Variants in RPAIN observed in about 807,000 individuals in gnomAD.
RPAIN encodes RPA interacting protein.
In RPAIN, 29 loss-of-function variants were observed where a neutral mutation model predicts 30.5. The observed-to-expected ratio is 0.95, with a 90% confidence interval of 0.71 to 1.30. RPAIN has a LOEUF of 1.30. Ranked by LOEUF, RPAIN falls within the 50% of genes most tolerant of loss-of-function variation. The pLI is 0.00. For missense variants in RPAIN, 247 were observed against 264.7 expected, an observed-to-expected ratio of 0.93 and a Z score of 0.46; for synonymous variants, 101 against 93.5, an observed-to-expected ratio of 1.08 and a Z score of -0.46.
chr17:5,421,798 CT>C (rs997095919), intron 2 of RPAIN: 280 of 157,080 alleles, frequency 1.8e-3, no homozygotes, highest in South Asian at 5.7e-3. Context: ...CTCTCTCGCT[CT>C]TTTTTTTTTT....
At chr17:5,426,557 G>T in intron 5 of RPAIN, 2 of 439,980 alleles carry the variant, frequency 4.5e-6, no homozygotes, top group South Asian at 3.6e-5. Context: ...CTCAGCTTGG[G>T]ATTGGTAACG....
At chr17:5,431,652 C>T (rs1049295670) in intron 6 of RPAIN, 21 of 456,372 alleles carry the variant, frequency 4.6e-5, no homozygotes, top group South Asian at 1.1e-4. Context: ...GAGGTCAGGA[C>T]GTAGGGACGC....
chr17:5,422,149 C>T (rs1010160813), intron 2 of RPAIN, among the ~76,000 whole-genome samples: 2 of 152,236 alleles, frequency 1.3e-5, no homozygotes, highest in Admixed American at 6.5e-5. Flanking sequence ...AGGAAGAACA[C>T]TGGATTCGAA....
intron 3 of RPAIN, chr17:5,425,205 T>G (rs1414765218): frequency 4.9e-6 from 2 of 410,310 alleles, no homozygotes; most frequent in Admixed American, 5.9e-5. Context: ...TTTTCATCTT[T>G]GTGCCCCTGT....
chr17:5,432,714 C>G lies in RPAIN; in HGVS notation c.*143C>G. On this transcript the variant is annotated 3_prime_UTR_variant, in exon 7 of 7. Transcript: ENST00000381209. ...ACTGAAGAAAAAAAAACTTTTCCGACATCTGTTCTTGGTCTTTTGTGACGC... is the reference window on the plus strand; with the variant it reads ...ACTGAAGAAAAAAAAACTTTTCCGAGATCTGTTCTTGGTCTTTTGTGACGC... 1 of 897,122 alleles carries G rather than the reference C, an allele frequency of 1.1e-6. No individual in the cohort carries two copies. The highest frequency in any genetic ancestry group is 2.7e-5 in the Admixed American group (1 of 37,378). The allele number at this position is 897,122 out of a possible 1,614,324, so 55.6% of individuals were successfully genotyped here.
intron 3 of RPAIN, chr17:5,425,276 A>G (rs1179719307): frequency 4.4e-6 from 2 of 455,812 alleles, no homozygotes; most frequent in South Asian, 3.1e-5. Flanking sequence ...CAGATTCTGA[A>G]CAACACAGAT....
At chr17:5,421,705 AAAAG>A (rs1186496878) in intron 2 of RPAIN, 5 of 331,126 alleles carry the variant, frequency 1.5e-5, no homozygotes, top group Non-Finnish European at 2.2e-5. Flanking sequence ...TATGAAACTA[AAAAG>A]AAAGAAATTT....
At chr17:5,427,874 G>T (rs1014495636) in intron 5 of RPAIN, 197 bp from the exon 6 acceptor site, 8 of 619,242 alleles carry the variant, frequency 1.3e-5, no homozygotes, top group African/African-American at 3.7e-5. Context: ...AGAGGGCGTT[G>T]GTTAATCTGG....
In RPAIN at chr17:5,428,122, A is replaced by G; in HGVS notation, c.541A>G (p.Asn181Asp). 20 of 1,614,142 alleles carry G rather than the reference A, an allele frequency of 1.2e-5. No homozygotes were observed. Among genetic ancestry groups the G allele is most frequent in the Non-Finnish European group, 1.7e-5 (20 of 1,180,012 alleles). The change falls in exon 6 of 7, where the codon AAT (asparagine) becomes GAT (aspartate). Residue 181 changes from asparagine to aspartate, a missense_variant. Asn to Asp is a conservative substitution (Grantham distance 23). Transcript: ENST00000381209. ...TCGTGCCTGTTTAGAGGGTAGTATA[A>G]ATGAGCACAGTGCACATTGTCCCCA... ...KLRACLEGSI[N>D]EHSAHCPHTP...
At position 5,426,091 on chromosome 17, in the gene RPAIN, T is replaced by G. The variant is rs1342627014; in HGVS notation, c.425+9T>G. The G allele has an allele frequency of 1.3e-6, 2 of 1,598,904 alleles. No individual in the cohort carries two copies. Among genetic ancestry groups the G allele is most frequent in the Non-Finnish European group, 1.7e-6 (2 of 1,166,548 alleles). ...TGTCCTGTATGTACAAAGTAAGAGT[T>G]TTTAAAACCTTTTCAGCATTATTCG... On this transcript the variant is annotated intron_variant, in intron 4 of 6. Transcript: ENST00000381209.
chr17:5,420,292 G>T lies in RPAIN; in HGVS notation c.81+1G>T. The T allele has an allele frequency of 6.2e-7, 1 of 1,613,398 alleles. No homozygotes were observed. Among genetic ancestry groups the T allele is most frequent in the African/African-American group, 1.3e-5 (1 of 75,018 alleles). ...GCCTTGGAAAGAGGCTTTCCGGCAG[G>T]TGGGTATGGGGTTTGTGCAGTGGTC... is the stretch of plus-strand genomic sequence containing the variant. On this transcript the variant is annotated splice_donor_variant, in intron 1 of 6. Transcript: ENST00000381209. LOFTEE classifies it high-confidence loss of function.
Position 5,428,439 on chromosome 17 carries a change from A to T in RPAIN, c.630+228A>T, listed in dbSNP as rs1915611614. 4.2e-6 allele frequency: 6 copies of T among 1,443,318 alleles called. No individual in the cohort carries two copies. The African/African-American group carries it at 7.2e-5, about 17-fold the overall frequency. 89.4% of individuals were successfully genotyped at this position (1,443,318 alleles called of 1,614,324 possible). A position where few individuals can be genotyped will look rare whatever the true frequency, so the allele number is the denominator to read the frequency against. ...ATCACGGCAAGAGGATTGGTCTGGGAGTTAGGACGCCTGGCTCCACACCTG... is the reference window on the plus strand; with the variant it reads ...ATCACGGCAAGAGGATTGGTCTGGGTGTTAGGACGCCTGGCTCCACACCTG... On this transcript the variant is annotated intron_variant, in intron 6 of 6. Transcript: ENST00000381209.
chr17:5,422,746 G>A (rs776414161), intron 2 of RPAIN, 23 bp from the exon 3 acceptor site: 1 of 1,610,954 alleles, frequency 6.2e-7, no homozygotes, highest in Non-Finnish European at 8.5e-7. Context: ...TCAAACTTCT[G>A]ATGCCGCTCC....
intron 5 of RPAIN, 21 bp from the exon 6 acceptor site, chr17:5,428,050 T>C (rs200469031): frequency 1.2e-6 from 2 of 1,613,424 alleles, no homozygotes; most frequent in Non-Finnish European, 8.5e-7. Flanking sequence ...TGAGAGGAGG[T>C]TGAACTTTTT....
intron 6 of RPAIN, chr17:5,429,654 C>G: frequency 1.0e-6 from 1 of 985,418 alleles, no homozygotes; most frequent in Non-Finnish European, 1.2e-6. Context: ...CTCACTACTT[C>G]CTGTTGACTA....
chr17:5,421,682 C>T lies in RPAIN; in HGVS notation c.252+216C>T, dbSNP rs944308016. On this transcript the variant is annotated intron_variant, in intron 2 of 6. Coordinates refer to ENST00000381209, the MANE Select transcript of RPAIN (RefSeq NM_001033002.4). ...CAGACCGTAGACCTGCTCATCACTG[C>T]AACATCATCATTTATGAAACTAAAA... The T allele has an allele frequency of 9.1e-5, 35 of 383,936 alleles. 1 individual carries two copies. The highest frequency in any genetic ancestry group is 7.1e-4 in the African/African-American group (34 of 48,086). 23.8% of individuals were successfully genotyped at this position (383,936 alleles called of 1,614,324 possible).
chr17:5,425,370 C>T (rs1597342231), intron 3 of RPAIN: 1 of 453,050 alleles, frequency 2.2e-6, no homozygotes. Context: ...GAGTCTCGCT[C>T]TGTCACTCAG....
intron 6 of RPAIN, chr17:5,429,070 TGAG>T (rs1442644377): frequency 1.0e-6 from 1 of 984,294 alleles, no homozygotes; most frequent in African/African-American, 1.8e-5. Context: ...AAAAATGAAT[TGAG>T]GACTCATTAA....
intron 6 of RPAIN, 106 bp downstream of exon 6, chr17:5,428,317 G>A: frequency 6.4e-7 from 1 of 1,570,456 alleles, no homozygotes; most frequent in Non-Finnish European, 8.6e-7. Flanking sequence ...GTTTAATGCA[G>A]TTTATTATCT....
Sources: gnomAD v4.1 joint callset for allele counts (sites outside exome capture counted in the v4.1 genomes callset) on GRCh38, gnomAD v4.1.1 for gene constraint, MANE v1.5 for transcripts, NCBI Gene and HGNC (gene_info 2026-07-23, HGNC 2026-07-21) for gene names.